TECTA: variants seen among roughly 807,000 people sequenced by gnomAD.
TECTA encodes tectorin alpha.
TECTA carries 128 observed loss-of-function variants against 216.8 expected under a neutral mutation model. The observed-to-expected ratio is 0.59, with a 90% CI of 0.51 to 0.68. The LOEUF (loss-of-function observed/expected upper bound fraction) is 0.68. Among genes scored for constraint, TECTA ranks in the 30% least tolerant of loss-of-function variants. The pLI is 0.00. For missense variants in TECTA, 2,551 were observed against 2,786.2 expected (o/e 0.92, Z 1.90); for synonymous variants, 1,089 against 1,117.1 (o/e 0.97, Z 0.50).
At chr11:121,116,459 G>A (rs1364804696) in intron 6 of TECTA, among the ~76,000 whole-genome samples, 2 of 152,210 alleles carry the variant, frequency 1.3e-5, no homozygotes, top group East Asian at 1.9e-4. Flanking sequence ...CTGTGATAAC[G>A]GAAAACACTG....
intron 11 of TECTA, among the ~76,000 whole-genome samples, chr11:121,143,873 A>C (rs1041823482): frequency 6.6e-6 from 1 of 152,226 alleles, no homozygotes; most frequent in African/African-American, 2.4e-5. Context: ...GACCAGCTTT[A>C]GCCTGGGCTA....
chr11:121,130,078 C>A lies in TECTA; in HGVS notation c.2808C>A (p.Tyr936Ter). 1 of 1,613,934 alleles carries A rather than the reference C, an allele frequency of 6.2e-7. No homozygotes were observed. The highest frequency in any genetic ancestry group is 2.2e-5 in the East Asian group (1 of 44,892). The change falls in exon 10 of 24, where the codon TAC becomes TAA. Residue 936 changes from tyrosine to a stop codon, truncating the protein, a stop_gained. Coordinates refer to ENST00000392793, the MANE Select transcript of TECTA (RefSeq NM_005422.4). LOFTEE classifies it high-confidence loss of function. ...GGGTGGTGAACGTCACTGCCTATTA[C>A]CGCACCTGCCTTTTCCGCCTGTGCC... The part of the protein sequence containing the change: ...CHGVVNVTAY[Y>*]RTCLFRLCQS...
intron 7 of TECTA, among the ~76,000 whole-genome samples, chr11:121,121,058 G>A (rs1184541590): frequency 6.6e-6 from 1 of 152,188 alleles, no homozygotes; most frequent in African/African-American, 2.4e-5. Context: ...ACCTGGCTTT[G>A]GAGCTCGACT....
intron 12 of TECTA, among the ~76,000 whole-genome samples, chr11:121,152,544 T>A (rs1591456225): frequency 6.6e-6 from 1 of 151,792 alleles, no homozygotes; most frequent in South Asian, 2.1e-4. Context: ...CCCTGGGAGG[T>A]TATCAGGTGA....
chr11:121,186,351 G>A (rs190104554), intron 20 of TECTA, among the ~76,000 whole-genome samples: 113 of 152,370 alleles, frequency 7.4e-4, no homozygotes, highest in African/African-American at 2.6e-3. Context: ...GCTAGACAGA[G>A]GAAAGGGCAG....
At chr11:121,149,742 C>T (rs1003545341) in intron 12 of TECTA, among the ~76,000 whole-genome samples, 2 of 152,218 alleles carry the variant, frequency 1.3e-5, no homozygotes, top group South Asian at 4.1e-4. Flanking sequence ...GGCACAGATG[C>T]TGGGTATGGC....
intron 20 of TECTA, among the ~76,000 whole-genome samples, chr11:121,177,232 T>C (rs1292033740): frequency 6.6e-6 from 1 of 152,224 alleles, no homozygotes; most frequent in East Asian, 1.9e-4. Flanking sequence ...CTGCATTCCT[T>C]TGGAGGAGGA....
rs754000753 is a variant in TECTA, at chr11:121,187,926, G to T, written c.6094G>T (p.Asp2032Tyr). The T allele has an allele frequency of 6.2e-7, 1 of 1,614,190 alleles. No individual in the cohort carries two copies. Among genetic ancestry groups the T allele is most frequent in the South Asian group, 1.1e-5 (1 of 91,072 alleles). Residue 2032 changes from aspartate (D) to tyrosine (Y), a missense_variant, in exon 21 of 24, where the codon GAT becomes TAT. This residue lies in a region of TECTA where 58 missense variants were observed against 105.9 expected (regional missense o/e 0.55). Transcript: ENST00000392793. ...FHVTVFKFIG[D>Y]YDEVHLHCAV... Reference sequence around the variant, plus strand: ...CGTCACCGTCTTTAAATTCATAGGGGATTACGACGAAGTTCACCTTCACTG... The same window carrying T: ...CGTCACCGTCTTTAAATTCATAGGGTATTACGACGAAGTTCACCTTCACTG...
intron 7 of TECTA, among the ~76,000 whole-genome samples, chr11:121,120,980 G>A (rs976018979): frequency 6.6e-6 from 1 of 152,192 alleles, no homozygotes; most frequent in Admixed American, 6.5e-5. Flanking sequence ...CAGAGCTCCT[G>A]GGCTGTAGCT....
intron 3 of TECTA, among the ~76,000 whole-genome samples, chr11:121,108,134 C>T (rs1946406849): frequency 6.6e-6 from 1 of 152,130 alleles, no homozygotes. Flanking sequence ...CAAGCCCTAA[C>T]ATAGGGCACC....
In TECTA at chr11:121,145,836, C is replaced by A. The variant is rs750122360; in HGVS notation, c.3825C>A (p.Thr1275=). 7 of 1,614,112 alleles carry A rather than the reference C, an allele frequency of 4.3e-6. No individual in the cohort carries two copies. Among genetic ancestry groups the A allele is most frequent in the Non-Finnish European group, 5.9e-6 (7 of 1,180,050 alleles). The change falls in exon 12 of 24, where the codon ACC becomes ACA. Residue 1275 remains threonine, a synonymous_variant. Transcript: ENST00000392793. ...GGCAGAGCTGGGTGAAGAGGGACAC[C>A]TTCTGCCAGGTGGGCTGTGGGGACC... ...EFGQSWVKRD[T]FCQVGCGDRC...
At chr11:121,120,194 T>C (rs540097696) in intron 7 of TECTA, among the ~76,000 whole-genome samples, 3 of 152,356 alleles carry the variant, frequency 2.0e-5, no homozygotes, top group Admixed American at 6.5e-5. Flanking sequence ...CACCGTAATT[T>C]CTTTCAGGCC....
intron 20 of TECTA, among the ~76,000 whole-genome samples, chr11:121,181,251 G>T (rs1432726175): frequency 1.3e-5 from 2 of 152,074 alleles, no homozygotes; most frequent in African/African-American, 2.4e-5. Flanking sequence ...GAATTCTTCA[G>T]TTCCAAAATT....
chr11:121,144,680 C>A (rs570153914), intron 11 of TECTA, among the ~76,000 whole-genome samples: 1 of 152,314 alleles, frequency 6.6e-6, no homozygotes, highest in South Asian at 2.1e-4. Context: ...AGGGATTTCC[C>A]TCTTGTCTGA....
chr11:121,118,185 C>A, intron 6 of TECTA, 121 bp from the exon 7 acceptor site: 3 of 1,287,522 alleles, frequency 2.3e-6, no homozygotes, highest in Non-Finnish European at 3.3e-6. Context: ...GGTGACCATA[C>A]CTCCCTAACA....
Position 121,105,851 on chromosome 11 carries a change from T to C in TECTA, c.85T>C (p.Tyr29His). The C allele has an allele frequency of 1.2e-6, 2 of 1,614,192 alleles. No individual in the cohort carries two copies. Among genetic ancestry groups the C allele is most frequent in the Non-Finnish European group, 1.7e-6 (2 of 1,180,016 alleles). The change falls in exon 3 of 24, where the codon TAT becomes CAT. Residue 29 changes from tyrosine to histidine, a missense_variant. By Grantham distance (83) the Tyr-to-His change is moderately conservative. Transcript: ENST00000392793. The surrounding 1 kb of genome is among the most constrained non-coding windows in gnomAD (Gnocchi z 5.3). ...QHQAQPRELM[Y>H]PFWQNDTKTP... ...GACAGCTCAGCCCAGGGAGCTCATG[T>C]ATCCATTTTGGCAGAATGACACCAA...
intron 6 of TECTA, 101 bp from the exon 7 acceptor site, chr11:121,118,205 C>A (rs1285782722): frequency 6.8e-7 from 1 of 1,466,566 alleles, no homozygotes; most frequent in Non-Finnish European, 9.3e-7. Flanking sequence ...AGGGTTCTTA[C>A]GTGGATTAAA....
chr11:121,168,465 C>A, intron 19 of TECTA: 2 of 862,870 alleles, frequency 2.3e-6, no homozygotes, highest in Non-Finnish European at 3.6e-6. Flanking sequence ...GCTCAGGGGG[C>A]TGCGGAATTG....
At chr11:121,107,576 A>G (rs1265969750) in intron 3 of TECTA, among the ~76,000 whole-genome samples, 2 of 152,234 alleles carry the variant, frequency 1.3e-5, no homozygotes, top group East Asian at 1.9e-4. Flanking sequence ...AACTTAACAT[A>G]TGATTGGAAT....
Sources: allele counts gnomAD v4.1 joint callset (sites outside exome capture counted in the v4.1 genomes callset), GRCh38; gene constraint gnomAD v4.1.1; regional missense constraint gnomAD v4.1.1; non-coding constraint Gnocchi (gnomAD v3.1); transcripts MANE v1.5; gene names NCBI Gene and HGNC (gene_info 2026-07-23, HGNC 2026-07-21).